Variants in BIN3 observed in about 807,000 individuals in gnomAD.
The protein encoded by BIN3 is bridging integrator 3.
In BIN3, 41 loss-of-function variants were observed where a neutral mutation model predicts 38.2. The ratio of observed to expected loss-of-function variants is 1.07; its 90% CI spans 0.84 to 1.39. The LOEUF (loss-of-function observed/expected upper bound fraction) is 1.39, where lower values mean the gene tolerates loss of function less well. Among genes scored for constraint, BIN3 ranks in the 40% most tolerant of loss-of-function variants. BIN3 has a pLI of 0.00. For missense variants in BIN3, 361 were observed against 324.3 expected, an observed-to-expected ratio of 1.11 and a Z score of -0.87; for synonymous variants, 145 against 122.6, an observed-to-expected ratio of 1.18 and a Z score of -1.21.
intron 6 of BIN3, chr8:22,625,090 T>C: frequency 2.2e-6 from 1 of 452,816 alleles, no homozygotes; most frequent in South Asian, 5.5e-5. Flanking sequence ...GAAAATGCCC[T>C]GAGGACCTCC....
intron 4 of BIN3, among the ~76,000 whole-genome samples, chr8:22,635,832 C>A (rs1425016515): frequency 1.3e-5 from 2 of 152,154 alleles, no homozygotes; most frequent in African/African-American, 4.8e-5. Flanking sequence ...CTCCATCTCT[C>A]CCGGCTGCTC....
In BIN3 at chr8:22,623,997, T is replaced by G. The variant is rs1045412959; in HGVS notation, c.533A>C (p.Gln178Pro). The change falls in exon 8 of 9, where the codon CAG becomes CCG. Residue 178 changes from glutamine to proline, a missense_variant. Gln to Pro is a moderately conservative substitution (Grantham distance 76). Coordinates refer to ENST00000276416, the MANE Select transcript of BIN3 (RefSeq NM_018688.6). ...GAAGCGCGGCATCTCCTCCAGCAGC[T>G]GCCTGTTCTTGGCTTCAAAGTCCTC... ...VREDFEAKNR[Q>P]LLEEMPRFYG... 3 of 1,612,940 alleles carry G rather than the reference T, an allele frequency of 1.9e-6. No individual in the cohort carries two copies. The South Asian group carries it at 3.3e-5, about 18-fold the overall frequency.
At chr8:22,627,790 G>A (rs1467623584) in intron 6 of BIN3, among the ~76,000 whole-genome samples, 2 of 152,214 alleles carry the variant, frequency 1.3e-5, no homozygotes, top group Admixed American at 6.5e-5. Flanking sequence ...CCAGGTGGGG[G>A]CAGGTCAGAC....
intron 1 of BIN3, 126 bp from the exon 2 acceptor site, chr8:22,644,929 G>T: frequency 1.3e-6 from 1 of 787,946 alleles, no homozygotes. Flanking sequence ...CTTGCTACTT[G>T]GACCATGTGC....
intron 4 of BIN3, among the ~76,000 whole-genome samples, chr8:22,631,752 C>T (rs1802210347): frequency 6.6e-6 from 1 of 152,204 alleles, no homozygotes; most frequent in African/African-American, 2.4e-5. Flanking sequence ...CCGCCCACCC[C>T]TCTGTGCTCC....
At chr8:22,639,258 G>A (rs192940394) in intron 2 of BIN3, among the ~76,000 whole-genome samples, 5 of 151,476 alleles carry the variant, frequency 3.3e-5, no homozygotes, top group Admixed American at 2.0e-4. Flanking sequence ...TTGAGACAGG[G>A]TTTTGCTCTG....
At chr8:22,640,016 C>T (rs571489623) in intron 2 of BIN3, among the ~76,000 whole-genome samples, 1 of 151,766 alleles carries the variant, frequency 6.6e-6, no homozygotes, top group Non-Finnish European at 1.5e-5. Context: ...CATGTGCCAC[C>T]GCGCCTGGCT....
intron 1 of BIN3, among the ~76,000 whole-genome samples, chr8:22,657,601 C>A (rs1426078662): frequency 6.6e-6 from 1 of 152,194 alleles, no homozygotes; most frequent in Non-Finnish European, 1.5e-5. Context: ...CAGAAGTGAA[C>A]CCACTCTGCC....
chr8:22,656,409 T>C (rs955267513), intron 1 of BIN3, among the ~76,000 whole-genome samples: 1 of 152,206 alleles, frequency 6.6e-6, no homozygotes, highest in African/African-American at 2.4e-5. Flanking sequence ...ACATTTACTC[T>C]GAAACCAGTC....
intron 1 of BIN3, among the ~76,000 whole-genome samples, chr8:22,659,625 G>A (rs1411051765): frequency 6.6e-6 from 1 of 152,208 alleles, no homozygotes; most frequent in African/African-American, 2.4e-5. Flanking sequence ...TATTTGAAGT[G>A]TCCACTCCTG....
At chr8:22,629,640 A>G (rs1802118059) in intron 6 of BIN3, 2 of 445,574 alleles carry the variant, frequency 4.5e-6, no homozygotes, top group Non-Finnish European at 8.3e-6. Context: ...TGCTAGCTCC[A>G]TTCAGCAAGC....
chr8:22,630,364 G>T (rs769092968), intron 5 of BIN3, 78 bp downstream of exon 5: 3 of 1,558,824 alleles, frequency 1.9e-6, no homozygotes, highest in Middle Eastern at 2.2e-4. Context: ...GCCCACTCGG[G>T]CCTCCCCGCA....
intron 1 of BIN3, among the ~76,000 whole-genome samples, chr8:22,646,207 G>A (rs1802709377): frequency 6.6e-6 from 1 of 152,210 alleles, no homozygotes; most frequent in Admixed American, 6.5e-5. Flanking sequence ...GCTAGAAAGT[G>A]CATCCCAATG....
chr8:22,630,047 G>A lies in BIN3; in HGVS notation c.298-43C>T, dbSNP rs781317710. 4 of 1,571,414 alleles carry A rather than the reference G, an allele frequency of 2.5e-6. No individual in the cohort carries two copies. The Admixed American group carries it at 5.3e-5, about 21-fold the overall frequency. On this transcript the variant is annotated intron_variant, in intron 5 of 8. Coordinates refer to ENST00000276416, the MANE Select transcript of BIN3 (RefSeq NM_018688.6). ...AAAGACATTAAAACTGGTGGGGAGG[G>A]GAGGGCGACACGCAAGGCAGGGCCC...
intron 1 of BIN3, among the ~76,000 whole-genome samples, chr8:22,656,297 G>A (rs1387456382): frequency 2.1e-5 from 3 of 144,792 alleles, no homozygotes; most frequent in Non-Finnish European, 3.0e-5. Context: ...AATAACACAT[G>A]TGAAGTTTTA....
chr8:22,630,152 G>A (rs902624142), intron 5 of BIN3, 148 bp from the exon 6 acceptor site: 4 of 1,012,156 alleles, frequency 4.0e-6, no homozygotes, highest in Non-Finnish European at 5.9e-6. Context: ...TCAGGGTGGA[G>A]GCCGGGTGGC....
At chr8:22,666,976 C>T (rs1803441863) in intron 1 of BIN3, among the ~76,000 whole-genome samples, 1 of 152,170 alleles carries the variant, frequency 6.6e-6, no homozygotes, top group African/African-American at 2.4e-5. Context: ...AAGGACCCAG[C>T]CCCGGTCTCC....
At chr8:22,653,413 C>T (rs892082191) in intron 1 of BIN3, among the ~76,000 whole-genome samples, 4 of 152,196 alleles carry the variant, frequency 2.6e-5, no homozygotes, top group African/African-American at 9.7e-5. Context: ...CATATTTAAG[C>T]ACTCACCTTA....
intron 1 of BIN3, among the ~76,000 whole-genome samples, chr8:22,665,683 GA>G (rs1275197522): frequency 6.6e-6 from 1 of 152,336 alleles, no homozygotes; most frequent in African/African-American, 2.4e-5. Flanking sequence ...TTGGAGGATG[GA>G]ACACACGGAG....
Sources: gnomAD v4.1 joint callset for allele counts (sites outside exome capture counted in the v4.1 genomes callset) on GRCh38, gnomAD v4.1.1 for gene constraint, MANE v1.5 for transcripts, NCBI Gene and HGNC (gene_info 2026-07-23, HGNC 2026-07-21) for gene names.